The following VPS51 variants were observed in gnomAD, a reference collection of about 807,000 sequenced individuals.
VPS51 encodes the protein vacuolar protein sorting-associated protein 51 homolog.
In VPS51, 55 loss-of-function variants were observed where a neutral mutation model predicts 65.1. The observed-to-expected ratio is 0.84, with a 90% CI of 0.68 to 1.06. The LOEUF (loss-of-function observed/expected upper bound fraction) is 1.06, where lower values mean the gene tolerates loss of function less well. Ranked by LOEUF, VPS51 falls within the 50% of genes least tolerant of loss-of-function variation. The pLI is 0.00. For missense variants in VPS51, 943 were observed against 1,101.6 expected, an observed-to-expected ratio of 0.86 and a Z score of 2.04; for synonymous variants, 473 against 489.5, an observed-to-expected ratio of 0.97 and a Z score of 0.44.
In VPS51 at chr11:65,110,709, C is replaced by G. The variant is rs192420080; in HGVS notation, c.2016C>G (p.Thr672=). The G allele has an allele frequency of 1.2e-6, 2 of 1,614,170 alleles. No homozygotes were observed. The highest frequency in any genetic ancestry group is 4.5e-5 in the East Asian group (2 of 44,882). Residue 672 remains threonine (T), a synonymous_variant, in exon 9 of 10, where the codon ACC becomes ACG. Transcript: ENST00000279281. The stretch of plus-strand genomic sequence containing the variant: ...CCCAATCCAGTGCCCCGATGGACAC[C>G]AACCTCTTGAGCAATATCCAGAAGC... ...PSYTPSAPMD[T]NLLSNIQKLF... is the part of the protein sequence containing the mutation.
chr11:65,108,949 G>T, intron 5 of VPS51, 35 bp downstream of exon 5: 1 of 1,605,308 alleles, frequency 6.2e-7, no homozygotes, highest in Non-Finnish European at 8.5e-7. Flanking sequence ...TGTTCAACCT[G>T]CTGGTTGACC....
chr11:65,108,432 G>C lies in VPS51; in HGVS notation c.961G>C (p.Ala321Pro). 4 of 1,611,802 alleles carry C rather than the reference G, an allele frequency of 2.5e-6. No homozygotes were observed. In the South Asian group the frequency reaches 3.3e-5, roughly 13 times the overall value. Residue 321 changes from alanine to proline, a missense_variant, in exon 5 of 10, where the codon GCC becomes CCC. Physicochemically the swap from Ala to Pro is conservative, Grantham distance 27. Around this residue, in one of 2 missense-constraint regions of VPS51, gnomAD observed 855 missense variants for 953.7 expected, o/e 0.90. Coordinates refer to ENST00000279281, the MANE Select transcript of VPS51 (RefSeq NM_013265.4). ...GGGCGGCCTCTGCCAGGTGGCGGCG[G>C]CCTACCAGGAGCTGTTTGCGGCCCA... ...FVGGLCQVAA[A>P]YQELFAAQGP... is the part of the protein sequence containing the mutation.
At chr11:65,106,526 C>T (rs11604621) in intron 2 of VPS51, among the ~76,000 whole-genome samples, 6,038 of 152,088 alleles carry the variant, frequency 0.04, 141 homozygotes, top group African/African-American at 0.062. Context: ...CCAAGGTGGG[C>T]GGATCATGAG....
At chr11:65,108,124 G>A in intron 4 of VPS51, 73 bp from the exon 5 acceptor site, 1 of 1,552,602 alleles carries the variant, frequency 6.4e-7, no homozygotes, top group Non-Finnish European at 8.6e-7. Flanking sequence ...CCCTGTGTGT[G>A]CTTTGCTTTC....
chr11:65,109,483 G>A lies in VPS51; in HGVS notation c.1647G>A (p.Gln549=). The A allele has an allele frequency of 6.2e-7, 1 of 1,606,132 alleles. No homozygotes were observed. Among genetic ancestry groups the A allele is most frequent in the Non-Finnish European group, 8.5e-7 (1 of 1,179,982 alleles). The change falls in exon 6 of 10, where the codon CAG becomes CAA. Residue 549 remains glutamine, a synonymous_variant. Coordinates refer to ENST00000279281, the MANE Select transcript of VPS51 (RefSeq NM_013265.4). The part of the protein sequence containing the change: ...ISYILTLTDE[Q]FLVQDQFPVT... ...ACATCCTCACTCTCACTGATGAACA[G>A]TTTCTGGTGCAGGTGAAGCACTAGC...
rs1415675782 is a variant in VPS51, at chr11:65,107,826, C to G, written c.529C>G (p.Leu177Val). The change falls in exon 4 of 10, where the codon CTG (leucine) becomes GTG (valine). Residue 177 changes from leucine to valine, a missense_variant. Physicochemically the swap from Leu to Val is conservative, Grantham distance 32. Around this residue, in one of 2 missense-constraint regions of VPS51, gnomAD observed 855 missense variants for 953.7 expected, o/e 0.90. Coordinates refer to ENST00000279281, the MANE Select transcript of VPS51 (RefSeq NM_013265.4). The surrounding 1 kb of genome is among the most constrained non-coding windows in gnomAD (Gnocchi z 4.0). ...LAGVHALLRK[L>V]QFLFELPSRL... is the part of the protein sequence containing the mutation. ...AGGGGTCCACGCGCTGCTGCGGAAG[C>G]TGCAGTTCCTCTTTGAGCTGCCCTC... 6.4e-7 allele frequency: 1 copy of G among 1,560,206 alleles called. No homozygotes were observed. The highest frequency in any genetic ancestry group is 1.9e-5 in the Admixed American group (1 of 52,356).
Position 65,108,592 on chromosome 11 carries a change from G to T in VPS51, c.1121G>T (p.Arg374Leu). The T allele has an allele frequency of 6.5e-7, 1 of 1,538,334 alleles. No individual in the cohort carries two copies. Among genetic ancestry groups the T allele is most frequent in the South Asian group, 1.2e-5 (1 of 84,888 alleles). ...TCACTGCTGGTGCGGGCGCTGGACC[G>T]CTTCCACCGGCGCTTGCGGGCTCCC... ...DNSLLVRALD[R>L]FHRRLRAPGA... The change falls in exon 5 of 10, where the codon CGC becomes CTC. Residue 374 changes from arginine (R) to leucine (L), a missense_variant. Around this residue, in one of 2 missense-constraint regions of VPS51, gnomAD observed 855 missense variants for 953.7 expected, o/e 0.90. Coordinates refer to ENST00000279281, the MANE Select transcript of VPS51 (RefSeq NM_013265.4).
intron 7 of VPS51, 82 bp from the exon 8 acceptor site, chr11:65,110,400 T>A (rs1479529501): frequency 1.1e-5 from 18 of 1,603,088 alleles, no homozygotes; most frequent in Non-Finnish European, 1.5e-5. Context: ...CTTGAGTAGC[T>A]GACTTAGGGC....
Position 65,107,319 on chromosome 11 carries a change from A to C in VPS51, c.359-262A>C. The C allele has an allele frequency of 1.7e-6, 1 of 603,472 alleles. No individual in the cohort carries two copies. The highest frequency in any genetic ancestry group is 3.1e-6 in the Non-Finnish European group (1 of 323,158). The allele number at this position is 603,472 out of a possible 1,614,324, so 37.4% of individuals were successfully genotyped here. A position where few individuals can be genotyped will look rare whatever the true frequency, so the allele number is the denominator to read the frequency against. ...CTGCGGCCTGCTTCGGATCTGGACT[A>C]ATTCTGAGGGCCGGCTCTCCTGGGC... On this transcript the variant is annotated intron_variant, in intron 2 of 9. Coordinates refer to ENST00000279281, the MANE Select transcript of VPS51 (RefSeq NM_013265.4). This position sits in a 1 kb window ranked among gnomAD's most constrained non-coding sequence, Gnocchi z 4.0.
chr11:65,110,878 C>T, intron 9 of VPS51, 97 bp downstream of exon 9: 1 of 1,441,720 alleles, frequency 6.9e-7, no homozygotes, highest in Non-Finnish European at 9.7e-7. Flanking sequence ...ACTCTGTGAC[C>T]AACTGGGGGT....
intron 1 of VPS51, 173 bp downstream of exon 1, chr11:65,096,651 A>AT (rs1947772132): frequency 3.1e-6 from 2 of 647,762 alleles, no homozygotes; most frequent in Non-Finnish European, 5.2e-6. Context: ...GTCTGAGGGG[A>AT]TGTGAGTAGG....
rs557821326 is a variant in VPS51, at chr11:65,098,197, G to T, written c.358+1070G>T. On this transcript the variant is annotated intron_variant, in intron 2 of 9. Coordinates refer to ENST00000279281, the MANE Select transcript of VPS51 (RefSeq NM_013265.4). ...CTCTGTCTGAAAAAAAAAATAATAAGAAGAAGAATCCCTGACATCAAGGAA... is the reference window on the plus strand; with the variant it reads ...CTCTGTCTGAAAAAAAAAATAATAATAAGAAGAATCCCTGACATCAAGGAA... 2.5e-3 allele frequency among the ~76,000 whole-genome samples: 385 copies of T among 151,996 alleles called. 2 individuals carry two copies. The highest frequency in any genetic ancestry group is 0.025 in the South Asian group (121 of 4,802).
chr11:65,110,446 C>A (rs1469165197), intron 7 of VPS51, 36 bp from the exon 8 acceptor site: 2 of 1,613,368 alleles, frequency 1.2e-6, no homozygotes, highest in African/African-American at 2.7e-5. Context: ...TTTCCCCTGA[C>A]TCGGGCCTCC....
chr11:65,107,846 G>A lies in VPS51; in HGVS notation c.549G>A (p.Leu183=), dbSNP rs150314788. The change falls in exon 4 of 10, where the codon CTG becomes CTA. Residue 183 remains leucine, a synonymous_variant. Coordinates refer to ENST00000279281, the MANE Select transcript of VPS51 (RefSeq NM_013265.4). The surrounding 1 kb of genome is among the most constrained non-coding windows in gnomAD (Gnocchi z 4.0). The part of the protein sequence containing the change: ...LLRKLQFLFE[L]PSRLTKCVEL... ...GGAAGCTGCAGTTCCTCTTTGAGCT[G>A]CCCTCGCGCCTCACCAAGTGCGTGG... The A allele has an allele frequency of 6.4e-7, 1 of 1,552,988 alleles. No homozygotes were observed. The highest frequency in any genetic ancestry group is 1.4e-5 in the African/African-American group (1 of 73,198).
chr11:65,097,294 T>A, intron 2 of VPS51, 167 bp downstream of exon 2: 1 of 1,027,472 alleles, frequency 9.7e-7, no homozygotes, highest in African/African-American at 1.6e-5. Flanking sequence ...GTCAGACTAC[T>A]ATAGAGATAA....
intron 9 of VPS51, chr11:65,110,993 C>G: frequency 4.4e-6 from 3 of 674,368 alleles, no homozygotes; most frequent in Non-Finnish European, 7.7e-6. Flanking sequence ...GTATGCCCAG[C>G]CTGAGTCTGG....
intron 2 of VPS51, chr11:65,105,543 A>G (rs1017069009): frequency 2.0e-5 from 3 of 152,056 alleles, no homozygotes; most frequent in African/African-American, 7.2e-5. Flanking sequence ...TCTGTGACCA[A>G]ATGTGTTGGG....
At chr11:65,103,892 GTT>G (rs56135030) in intron 2 of VPS51, among the ~76,000 whole-genome samples, 1 of 144,334 alleles carries the variant, frequency 6.9e-6, no homozygotes, top group Non-Finnish European at 1.5e-5. Flanking sequence ...TTTACAGGGT[GTT>G]TTTTTTTGTT....
Position 65,110,514 on chromosome 11 carries a change from G to C in VPS51, c.1911G>C (p.Lys637Asn). The C allele has an allele frequency of 6.2e-7, 1 of 1,613,924 alleles. No individual in the cohort carries two copies. Among genetic ancestry groups the C allele is most frequent in the Non-Finnish European group, 8.5e-7 (1 of 1,179,998 alleles). The change falls in exon 8 of 10, where the codon AAG becomes AAC. Residue 637 changes from lysine to asparagine, a missense_variant. By Grantham distance (94) the Lys-to-Asn change is moderately conservative. Around this residue, in one of 2 missense-constraint regions of VPS51, gnomAD observed 855 missense variants for 953.7 expected, o/e 0.90. Coordinates refer to ENST00000279281, the MANE Select transcript of VPS51 (RefSeq NM_013265.4). ...TCCTGTACGAAGAGGGTGTTCGCAA[G>C]GCCCAGAGCAGCGACTCCAGCAAGA... ...VGLLYEEGVR[K>N]AQSSDSSKRT...
Sources: allele counts gnomAD v4.1 joint callset (sites outside exome capture counted in the v4.1 genomes callset), GRCh38; gene constraint gnomAD v4.1.1; regional missense constraint gnomAD v4.1.1; non-coding constraint Gnocchi (gnomAD v3.1); transcripts MANE v1.5; gene names NCBI Gene and HGNC (gene_info 2026-07-23, HGNC 2026-07-21).